ARNT: variants seen among roughly 807,000 people sequenced by gnomAD.
ARNT encodes the protein class E basic helix-loop-helix protein 2.
ARNT carries 30 observed loss-of-function variants against 105.0 expected under a neutral mutation model. The ratio of observed to expected loss-of-function variants is 0.29; its 90% CI spans 0.21 to 0.39. The LOEUF is 0.39. Among genes scored for constraint, ARNT ranks in the 10% least tolerant of loss-of-function variants. ARNT has a pLI of 1.00. For missense variants in ARNT, 748 were observed against 978.7 expected, an observed-to-expected ratio of 0.76 and a Z score of 3.15; for synonymous variants, 304 against 344.0, an observed-to-expected ratio of 0.88 and a Z score of 1.29.
chr1:150,819,535 A>G (rs948930376), intron 14 of ARNT, among the ~76,000 whole-genome samples: 1 of 152,268 alleles, frequency 6.6e-6, no homozygotes, highest in Non-Finnish European at 1.5e-5. Context: ...ACGAACATAC[A>G]GACAGTATGT....
At chr1:150,840,231 AC>A (rs1661031793) in intron 5 of ARNT, among the ~76,000 whole-genome samples, 1 of 151,292 alleles carries the variant, frequency 6.6e-6, no homozygotes, top group Non-Finnish European at 1.5e-5. Flanking sequence ...GCAGAGCAAG[AC>A]TCCATTTCAA....
chr1:150,874,309 A>G (rs138256279), intron 1 of ARNT, among the ~76,000 whole-genome samples: 67 of 152,342 alleles, frequency 4.4e-4, no homozygotes, highest in African/African-American at 1.5e-3. Context: ...GCAAAGGGAG[A>G]AAAGAAAAAA....
chr1:150,837,745 G>GT (rs997068916), intron 6 of ARNT, among the ~76,000 whole-genome samples: 3 of 151,852 alleles, frequency 2.0e-5, no homozygotes, highest in Non-Finnish European at 2.9e-5. Context: ...CATGACTAAC[G>GT]TTTTTTCCTG....
At chr1:150,848,864 C>T (rs964957482) in intron 3 of ARNT, among the ~76,000 whole-genome samples, 1 of 152,092 alleles carries the variant, frequency 6.6e-6, no homozygotes, top group Non-Finnish European at 1.5e-5. Context: ...ACTTATATTA[C>T]TTTCCCAATT....
At chr1:150,868,963 T>C (rs1251529369) in intron 1 of ARNT, among the ~76,000 whole-genome samples, 2 of 150,402 alleles carry the variant, frequency 1.3e-5, no homozygotes. Flanking sequence ...ATCCTGTCTC[T>C]ACAAAATTAA....
Position 150,823,903 on chromosome 1 carries a change from C to T in ARNT, c.1243-558G>A, listed in dbSNP as rs587683449. On this transcript the variant is annotated intron_variant, in intron 13 of 21. Transcript: ENST00000358595. The stretch of plus-strand genomic sequence containing the variant: ...CTGTCACCAGGCTAGAGTGCAGTGG[C>T]GCAATCTCGGCTCACTACAACCTCC... 9.3e-5 allele frequency among the ~76,000 whole-genome samples: 14 copies of T among 150,050 alleles called. No individual in the cohort carries two copies. The South Asian group carries it at 2.5e-3, about 27-fold the overall frequency.
intron 13 of ARNT, 132 bp from the exon 14 acceptor site, chr1:150,823,477 A>G: frequency 1.2e-6 from 1 of 800,630 alleles, no homozygotes; most frequent in East Asian, 2.8e-5. Context: ...TTTCAATATT[A>G]AAACAAAATG....
chr1:150,822,914 C>A (rs1016770287), intron 14 of ARNT, among the ~76,000 whole-genome samples: 1 of 152,100 alleles, frequency 6.6e-6, no homozygotes, highest in African/African-American at 2.4e-5. Context: ...TGCTTGATTT[C>A]TTTTTTCTTT....
In ARNT at chr1:150,850,721, G is replaced by A. The variant is rs1226763736; in HGVS notation, c.182+2041C>T. 2.6e-5 allele frequency among the ~76,000 whole-genome samples: 4 copies of A among 152,084 alleles called. No individual in the cohort carries two copies. The East Asian group carries it at 5.8e-4, about 22-fold the overall frequency. On this transcript the variant is annotated intron_variant, in intron 3 of 21. Transcript: ENST00000358595. ...GCCGCCACCCCGTCTGGGAAGTGAG[G>A]AGCATCTCTGCCTGGCCGCCCATCG...
intron 1 of ARNT, among the ~76,000 whole-genome samples, chr1:150,864,723 T>C (rs774542268): frequency 1.1e-3 from 168 of 146,256 alleles, no homozygotes; most frequent in Non-Finnish European, 2.0e-3. Flanking sequence ...GTAACTAACC[T>C]GCACAATGTG....
chr1:150,843,901 A>T lies in ARNT; in HGVS notation c.228-1433T>A, dbSNP rs1661704990. 3.3e-5 allele frequency among the ~76,000 whole-genome samples: 5 copies of T among 152,192 alleles called. No individual in the cohort carries two copies. In the South Asian group the frequency reaches 1.0e-3, roughly 31 times the overall value. On this transcript the variant is annotated intron_variant, in intron 4 of 21. Transcript: ENST00000358595. ...TCATATGAATGAATTCTGTTATTTA[A>T]AAAAAAGTTAAGCATCTAAAATTCC...
intron 10 of ARNT, among the ~76,000 whole-genome samples, chr1:150,830,834 A>G (rs1252053510): frequency 6.6e-6 from 1 of 152,230 alleles, no homozygotes; most frequent in Admixed American, 6.5e-5. Flanking sequence ...GTATTCCTTG[A>G]TGCTACATAG....
In ARNT at chr1:150,871,821, T is replaced by C. The variant is rs374462806; in HGVS notation, c.25+4722A>G. 2.3e-5 allele frequency among the ~76,000 whole-genome samples: 3 copies of C among 131,594 alleles called. No individual in the cohort carries two copies. The East Asian group carries it at 6.6e-4, about 29-fold the overall frequency. The allele number at this position is 131,594 out of a possible 152,430, so 86.3% of individuals were successfully genotyped here. ...TACTCGGGAGGCTGAGGCGGGAGAA[T>C]AGCTTGAACCCAGGAGGCGGAGGTT... is the stretch of plus-strand genomic sequence containing the variant. On this transcript the variant is annotated intron_variant, in intron 1 of 21. Transcript: ENST00000358595.
At position 150,812,005 on chromosome 1, in the gene ARNT, C is replaced by T; in HGVS notation, c.*16G>A. 6.8e-7 allele frequency: 1 copy of T among 1,477,200 alleles called. No homozygotes were observed. Among genetic ancestry groups the T allele is most frequent in the Non-Finnish European group, 9.1e-7 (1 of 1,103,764 alleles). 91.5% of individuals were successfully genotyped at this position (1,477,200 alleles called of 1,614,324 possible). Reference sequence around the variant, plus strand: ...TGATTTTTTCTCCCCCACCCCTTATCCTCACCCCAATAGTTCTATTCTGAA... The same window carrying T: ...TGATTTTTTCTCCCCCACCCCTTATTCTCACCCCAATAGTTCTATTCTGAA... On this transcript the variant is annotated 3_prime_UTR_variant, in exon 22 of 22. Transcript: ENST00000358595.
At chr1:150,855,470 G>A (rs941654993) in intron 2 of ARNT, among the ~76,000 whole-genome samples, 6 of 152,156 alleles carry the variant, frequency 3.9e-5, no homozygotes, top group African/African-American at 9.6e-5. Context: ...GCTGAGGCAG[G>A]AGAATAGCAT....
chr1:150,821,304 T>C (rs1005769195), intron 14 of ARNT, among the ~76,000 whole-genome samples: 3 of 152,204 alleles, frequency 2.0e-5, no homozygotes, highest in Non-Finnish European at 4.4e-5. Context: ...CCAGCATCAC[T>C]AGTGGCACTT....
chr1:150,838,091 C>A (rs1291173160), intron 6 of ARNT, among the ~76,000 whole-genome samples: 1 of 152,160 alleles, frequency 6.6e-6, no homozygotes, highest in African/African-American at 2.4e-5. Context: ...TTTTATGTCT[C>A]CCCACTGCAT....
At chr1:150,831,690 TC>T in intron 10 of ARNT, 127 bp downstream of exon 10, 1 of 628,492 alleles carries the variant, frequency 1.6e-6, no homozygotes. Context: ...CATTTTCTTT[TC>T]CTATTTTCTT....
chr1:150,834,818 C>A, intron 7 of ARNT, 178 bp from the exon 8 acceptor site: 1 of 519,870 alleles, frequency 1.9e-6, no homozygotes, highest in Non-Finnish European at 3.5e-6. Context: ...CTTCAATTAT[C>A]ATCAATGAAT....
Sources: gnomAD v4.1 joint callset for allele counts (sites outside exome capture counted in the v4.1 genomes callset) on GRCh38, gnomAD v4.1.1 for gene constraint, MANE v1.5 for transcripts, NCBI Gene and HGNC (gene_info 2026-07-23, HGNC 2026-07-21) for gene names.